GALNT7: variants seen among roughly 807,000 people sequenced by gnomAD.
GALNT7 encodes N-acetylgalactosaminyltransferase 7.
In GALNT7, 60 loss-of-function variants were observed where a neutral mutation model predicts 82.1. That is an observed-to-expected ratio of 0.73 (90% CI 0.59 to 0.91). The LOEUF is 0.91. Ranked by LOEUF, GALNT7 falls within the 40% of genes least tolerant of loss-of-function variation. The pLI, the probability that GALNT7 is intolerant of heterozygous loss-of-function variation, is 0.00. For missense variants in GALNT7, 660 were observed against 804.2 expected (o/e 0.82, Z 2.17); for synonymous variants, 243 against 275.1 (o/e 0.88, Z 1.15).
intron 1 of GALNT7, among the ~76,000 whole-genome samples, chr4:173,206,249 A>C (rs769231113): frequency 6.6e-6 from 1 of 152,182 alleles, no homozygotes; most frequent in Non-Finnish European, 1.5e-5. Context: ...CCTTGCTTTA[A>C]GCTGTGCTGC....
intron 1 of GALNT7, among the ~76,000 whole-genome samples, chr4:173,183,073 CA>C (rs1202068367): frequency 1.3e-5 from 2 of 150,512 alleles, no homozygotes; most frequent in African/African-American, 4.9e-5. Flanking sequence ...CACACACACA[CA>C]CACACACACA....
intron 1 of GALNT7, among the ~76,000 whole-genome samples, chr4:173,169,883 T>C (rs989383604): frequency 6.6e-6 from 1 of 151,924 alleles, no homozygotes; most frequent in Admixed American, 6.6e-5. Flanking sequence ...GGCTGCCGGC[T>C]AGCTCAGGCC....
chr4:173,266,868 GGTGTGTGTGTGTGT>G (rs71596614), intron 2 of GALNT7, among the ~76,000 whole-genome samples: 2,071 of 95,130 alleles, frequency 0.022, 32 homozygotes, highest in Non-Finnish European at 0.028. Context: ...GGCTGGGAAG[GGTGTGTGTGTGTGT>G]GTGTGTGTGT....
intron 2 of GALNT7, among the ~76,000 whole-genome samples, chr4:173,263,260 T>C (rs1366254031): frequency 6.6e-6 from 1 of 152,218 alleles, no homozygotes; most frequent in Non-Finnish European, 1.5e-5. Flanking sequence ...AGAAAAAGTT[T>C]GTCATCAGCA....
intron 1 of GALNT7, among the ~76,000 whole-genome samples, chr4:173,184,575 G>C (rs1225101582): frequency 6.7e-6 from 1 of 148,920 alleles, no homozygotes; most frequent in Admixed American, 6.7e-5. Flanking sequence ...CTCGGCATCA[G>C]AGGGAGACCA....
intron 2 of GALNT7, among the ~76,000 whole-genome samples, chr4:173,289,748 A>G (rs1392617261): frequency 6.6e-6 from 1 of 152,186 alleles, no homozygotes; most frequent in East Asian, 1.9e-4. Context: ...TTATGGAAAG[A>G]ACAAAGGGCT....
At position 173,321,888 on chromosome 4, in the gene GALNT7, T is replaced by C; in HGVS notation, c.*171T>C. ...AAACTGTGATTTTACAATAACATTATCATCTGCAGTTACTGTTTACAAGAC... is the reference window on the plus strand; with the variant it reads ...AAACTGTGATTTTACAATAACATTACCATCTGCAGTTACTGTTTACAAGAC... On this transcript the variant is annotated 3_prime_UTR_variant, in exon 12 of 12. Coordinates refer to ENST00000265000, the MANE Select transcript of GALNT7 (RefSeq NM_017423.3). 1 of 538,842 alleles carries C rather than the reference T, an allele frequency of 1.9e-6. No individual in the cohort carries two copies. Among genetic ancestry groups the C allele is most frequent in the Non-Finnish European group, 3.3e-6 (1 of 299,628 alleles). 33.4% of individuals were successfully genotyped at this position (538,842 alleles called of 1,614,324 possible).
At position 173,320,493 on chromosome 4, in the gene GALNT7, TAGA is replaced by T. The variant is rs957604559; in HGVS notation, c.1837-1080_1837-1078del. Among the ~76,000 whole-genome samples, 42 of 152,266 alleles carry T rather than the reference TAGA, an allele frequency of 2.8e-4. No homozygotes were observed. Among genetic ancestry groups the T allele is most frequent in the African/African-American group, 8.7e-4 (36 of 41,564 alleles). ...CAAATCTCTTTAATGTCTGGTTTAA[TAGA>T]AGAAGACAGCTGGATTCTCATACTC... On this transcript the variant is annotated intron_variant, in intron 11 of 11. Transcript: ENST00000265000. This position sits in a 1 kb window ranked among gnomAD's most constrained non-coding sequence, Gnocchi z 4.1.
chr4:173,236,420 C>T (rs2126718278), intron 1 of GALNT7, among the ~76,000 whole-genome samples: 1 of 152,232 alleles, frequency 6.6e-6, no homozygotes, highest in East Asian at 1.9e-4. Flanking sequence ...TAAGTTTTTT[C>T]TTATCTCTCT....
intron 2 of GALNT7, among the ~76,000 whole-genome samples, chr4:173,264,544 A>G (rs1201510781): frequency 6.6e-6 from 1 of 152,098 alleles, no homozygotes; most frequent in Non-Finnish European, 1.5e-5. Context: ...CAATTTTTCT[A>G]ACTTGTTTTA....
At chr4:173,253,771 T>G (rs981133212) in intron 2 of GALNT7, among the ~76,000 whole-genome samples, 2 of 152,202 alleles carry the variant, frequency 1.3e-5, no homozygotes, top group Non-Finnish European at 2.9e-5. Flanking sequence ...TGAACTGGTC[T>G]GCTGCCCGGT....
At chr4:173,232,476 G>A (rs1329449659) in intron 1 of GALNT7, among the ~76,000 whole-genome samples, 4 of 151,292 alleles carry the variant, frequency 2.6e-5, no homozygotes, top group South Asian at 2.1e-4. Context: ...TCTGTTGCCC[G>A]GGCTGGAGGG....
intron 2 of GALNT7, among the ~76,000 whole-genome samples, chr4:173,263,371 G>T (rs977105304): frequency 6.6e-6 from 1 of 152,180 alleles, no homozygotes; most frequent in African/African-American, 2.4e-5. Context: ...TCTGTGCTTA[G>T]TGATGATTTA....
In GALNT7 at chr4:173,168,978, G is replaced by A. The variant is rs1477569218; in HGVS notation, c.126+17G>A. 1 of 1,609,018 alleles carries A rather than the reference G, an allele frequency of 6.2e-7. No homozygotes were observed. The highest frequency in any genetic ancestry group is 8.5e-7 in the Non-Finnish European group (1 of 1,177,216). ...AGGATGAGGGTGAGTGACCCGCCCG[G>A]CCCCCTCCGGCGGCAGCGACCGGCA... On this transcript the variant is annotated intron_variant, in intron 1 of 11. Transcript: ENST00000265000.
At chr4:173,272,489 A>G (rs543768621) in intron 2 of GALNT7, among the ~76,000 whole-genome samples, 2 of 152,352 alleles carry the variant, frequency 1.3e-5, no homozygotes, top group African/African-American at 4.8e-5. Flanking sequence ...CTCAGTTGTT[A>G]TAATTCCATC....
chr4:173,314,343 G>A (rs967460436), intron 9 of GALNT7, among the ~76,000 whole-genome samples, 167 bp downstream of exon 9: 20 of 152,206 alleles, frequency 1.3e-4, no homozygotes, highest in African/African-American at 4.6e-4. Context: ...TGCCAGACCA[G>A]CTGGCCACCA....
At chr4:173,256,828 T>C (rs746074182) in intron 2 of GALNT7, among the ~76,000 whole-genome samples, 1 of 152,212 alleles carries the variant, frequency 6.6e-6, no homozygotes, top group East Asian at 1.9e-4. Flanking sequence ...TACATGACAC[T>C]GTCTAGCTGG....
chr4:173,250,970 T>C (rs976249980), intron 2 of GALNT7, among the ~76,000 whole-genome samples: 13 of 152,238 alleles, frequency 8.5e-5, no homozygotes, highest in African/African-American at 2.9e-4. Context: ...CCCACTTTAT[T>C]CTCTATTACT....
intron 1 of GALNT7, among the ~76,000 whole-genome samples, chr4:173,220,132 T>C (rs538326528): frequency 6.6e-6 from 1 of 152,354 alleles, no homozygotes; most frequent in East Asian, 1.9e-4. Context: ...GTTTTGGATC[T>C]TAGATTTAAG....
Sources: gnomAD v4.1 joint callset for allele counts (sites outside exome capture counted in the v4.1 genomes callset) on GRCh38, gnomAD v4.1.1 for gene constraint, Gnocchi (gnomAD v3.1) non-coding constraint, MANE v1.5 for transcripts, NCBI Gene and HGNC (gene_info 2026-07-23, HGNC 2026-07-21) for gene names.